The following ENTREP2 variants were observed in gnomAD, a reference collection of about 807,000 sequenced individuals.
The protein encoded by ENTREP2 is protein ENTREP2.
chr15:29,613,432 A>C, the ENTREP2 span: 4 of 465,692 alleles, frequency 8.6e-6, no homozygotes, highest in East Asian at 2.7e-4. Flanking sequence ...CAGCTGACCC[A>C]CTCACTGGGT....
At chr15:29,389,005 C>G in the ENTREP2 span, among the ~76,000 whole-genome samples, 1 of 151,300 alleles carries the variant, frequency 6.6e-6, no homozygotes, top group Admixed American at 6.6e-5. Flanking sequence ...AGGAGATATA[C>G]CTAATGTAAA....
the ENTREP2 span, among the ~76,000 whole-genome samples, chr15:29,514,156 T>C: frequency 6.6e-6 from 1 of 152,230 alleles, no homozygotes; most frequent in Non-Finnish European, 1.5e-5. Flanking sequence ...ACATGTACCC[T>C]GTTTGACAAC....
the ENTREP2 span, among the ~76,000 whole-genome samples, chr15:29,546,521 C>G: frequency 6.6e-6 from 1 of 152,042 alleles, no homozygotes; most frequent in South Asian, 2.1e-4. Context: ...ATGGCCAAAC[C>G]AATCGCCACT....
chr15:29,660,580 T>G, the ENTREP2 span, among the ~76,000 whole-genome samples: 2 of 152,256 alleles, frequency 1.3e-5, no homozygotes, highest in Non-Finnish European at 2.9e-5. Context: ...TCGAACCATG[T>G]GACTATATTA....
chr15:29,259,558 C>G, the ENTREP2 span, among the ~76,000 whole-genome samples: 1 of 152,140 alleles, frequency 6.6e-6, no homozygotes, highest in African/African-American at 2.4e-5. Context: ...GCTAACAATC[C>G]CAGATGGGTT....
chr15:29,493,853 C>T, the ENTREP2 span, among the ~76,000 whole-genome samples: 3 of 151,736 alleles, frequency 2.0e-5, no homozygotes, highest in East Asian at 1.9e-4. Flanking sequence ...GGCTCACACC[C>T]GTAATCCCAG....
At chr15:29,134,416 T>C in the ENTREP2 span, among the ~76,000 whole-genome samples, 9 of 152,130 alleles carry the variant, frequency 5.9e-5, no homozygotes, top group African/African-American at 1.9e-4. Context: ...GCCTGGCTGC[T>C]CCAGGTGTTT....
the ENTREP2 span, among the ~76,000 whole-genome samples, chr15:29,628,493 G>A: frequency 2.0e-5 from 3 of 152,148 alleles, no homozygotes; most frequent in Non-Finnish European, 4.4e-5. Context: ...CTATGCTGTT[G>A]TCACTTAGAA....
chr15:29,156,351 A>G, the ENTREP2 span, among the ~76,000 whole-genome samples: 1 of 150,696 alleles, frequency 6.6e-6, no homozygotes, highest in Middle Eastern at 3.4e-3. Context: ...TGGCTGGCTA[A>G]TTTTTTTTGT....
chr15:29,420,756 A>G, the ENTREP2 span, among the ~76,000 whole-genome samples: 2 of 152,156 alleles, frequency 1.3e-5, no homozygotes, highest in Non-Finnish European at 2.9e-5. Flanking sequence ...ACTTGAAAAC[A>G]GATTTCCCAG....
chr15:29,605,432 A>C, the ENTREP2 span, among the ~76,000 whole-genome samples: 2 of 152,176 alleles, frequency 1.3e-5, no homozygotes, highest in African/African-American at 4.8e-5. Flanking sequence ...CATGCTATTC[A>C]CACTCTTCTG....
At chr15:29,148,709 CTT>C in the ENTREP2 span, among the ~76,000 whole-genome samples, 37 of 152,062 alleles carry the variant, frequency 2.4e-4, no homozygotes, top group African/African-American at 7.5e-4. Flanking sequence ...TGAGTAAAGC[CTT>C]TTCTGAGAGT....
chr15:29,427,771 T>C, the ENTREP2 span, among the ~76,000 whole-genome samples: 3 of 152,188 alleles, frequency 2.0e-5, no homozygotes, highest in African/African-American at 7.2e-5. Context: ...AATACATTCA[T>C]AGGTTCCAGC....
At chr15:29,654,707 T>C in the ENTREP2 span, among the ~76,000 whole-genome samples, 1 of 152,166 alleles carries the variant, frequency 6.6e-6, no homozygotes, top group East Asian at 1.9e-4. Flanking sequence ...AATAAAACTA[T>C]ATTTGCACTC....
the ENTREP2 span, among the ~76,000 whole-genome samples, chr15:29,459,465 C>T: frequency 6.6e-6 from 1 of 152,190 alleles, no homozygotes; most frequent in Non-Finnish European, 1.5e-5. Flanking sequence ...TAGATTATTT[C>T]TCACCCTTAC....
At chr15:29,151,346 G>A in the ENTREP2 span, among the ~76,000 whole-genome samples, 1 of 152,122 alleles carries the variant, frequency 6.6e-6, no homozygotes, top group Non-Finnish European at 1.5e-5. Flanking sequence ...GAAAAGAACT[G>A]ATCTTCTAAC....
chr15:29,636,763 A>C, the ENTREP2 span, among the ~76,000 whole-genome samples: 1 of 152,164 alleles, frequency 6.6e-6, no homozygotes, highest in Non-Finnish European at 1.5e-5. Flanking sequence ...CCTCCTCAGT[A>C]TATGTAATTT....
chr15:29,488,449 A>G, the ENTREP2 span, among the ~76,000 whole-genome samples: 1 of 152,236 alleles, frequency 6.6e-6, no homozygotes, highest in Non-Finnish European at 1.5e-5. Context: ...TACCAAGTAC[A>G]TAACAGGAAT....
At chr15:29,332,891 G>A in the ENTREP2 span, among the ~76,000 whole-genome samples, 3 of 151,296 alleles carry the variant, frequency 2.0e-5, no homozygotes, top group African/African-American at 7.3e-5. Flanking sequence ...CCCACGGGGC[G>A]GAGGTTGCAG....
Sources: gnomAD v4.1 joint callset for allele counts (sites outside exome capture counted in the v4.1 genomes callset) on GRCh38, gnomAD v4.1.1 for gene constraint, MANE v1.5 for transcripts, NCBI Gene and HGNC (gene_info 2026-07-23, HGNC 2026-07-21) for gene names.